The following MSRA variants were observed in gnomAD, a reference collection of about 807,000 sequenced individuals.
The protein encoded by MSRA is methionine sulfoxide reductase A.
A neutral mutation model predicts 31.3 loss-of-function variants in MSRA; 54 were observed. The ratio of observed to expected loss-of-function variants is 1.73; its 90% CI spans 1.39 to 2.17. MSRA has a LOEUF of 2.17. MSRA is among the 30% of genes most tolerant of loss of function. The pLI is 0.00. For synonymous variants in MSRA, 169 were observed against 116.5 expected (o/e 1.45, Z -2.90); for missense variants, 507 against 300.9 (o/e 1.69, Z -5.07).
At chr8:10,096,038 C>A in intron 1 of MSRA, 1 of 1,447,806 alleles carries the variant, frequency 6.9e-7, no homozygotes, top group Non-Finnish European at 9.2e-7. Context: ...GGAATGTGTT[C>A]AGAACGTAAG....
At chr8:10,299,866 G>A (rs1468229118) in intron 3 of MSRA, among the ~76,000 whole-genome samples, 2 of 152,156 alleles carry the variant, frequency 1.3e-5, no homozygotes, top group East Asian at 1.9e-4. Context: ...CATTGATTTA[G>A]AAATTCCATT....
chr8:10,186,097 C>T (rs1585120526), intron 1 of MSRA, among the ~76,000 whole-genome samples: 1 of 152,140 alleles, frequency 6.6e-6, no homozygotes, highest in South Asian at 2.1e-4. Flanking sequence ...TGGACCAGGA[C>T]ACAGTGGCAA....
At chr8:10,269,968 T>C (rs1192511443) in intron 3 of MSRA, among the ~76,000 whole-genome samples, 1 of 152,212 alleles carries the variant, frequency 6.6e-6, no homozygotes, top group Non-Finnish European at 1.5e-5. Context: ...GCTTACTCTC[T>C]CTGTGACCGT....
At position 10,113,292 on chromosome 8, in the gene MSRA, C is replaced by CTT. The variant is rs10665004; in HGVS notation, c.142+58655_142+58656dup. On this transcript the variant is annotated intron_variant, in intron 1 of 5. Coordinates refer to ENST00000317173, the MANE Select transcript of MSRA (RefSeq NM_012331.5). ...CATGGCTTTGGTGAAGACAGGTCTT[C>CTT]TTTTTTTTTTTTTTTTTTTTTTGGA... Among the ~76,000 whole-genome samples the CTT allele has an allele frequency of 1.0e-3, 60 of 57,602 alleles. 2 individuals are homozygous for CTT. The highest frequency in any genetic ancestry group is 2.4e-3 in the African/African-American group (31 of 12,768). 37.8% of individuals were successfully genotyped at this position (57,602 alleles called of 152,430 possible). A position where few individuals can be genotyped will look rare whatever the true frequency, so the allele number is the denominator to read the frequency against.
intron 1 of MSRA, among the ~76,000 whole-genome samples, chr8:10,094,798 A>AAT (rs1799039008): frequency 6.6e-6 from 1 of 152,270 alleles, no homozygotes; most frequent in African/African-American, 2.4e-5. Flanking sequence ...TGCTTATTAT[A>AAT]TTGTATTAAC....
intron 5 of MSRA, among the ~76,000 whole-genome samples, chr8:10,409,981 G>A (rs1040423786): frequency 2.0e-5 from 3 of 152,206 alleles, no homozygotes; most frequent in African/African-American, 2.4e-5. Context: ...GATCGCTGGA[G>A]CCCAGGAGTT....
chr8:10,174,800 C>T (rs548238269), intron 1 of MSRA, among the ~76,000 whole-genome samples: 21 of 152,308 alleles, frequency 1.4e-4, no homozygotes, highest in African/African-American at 5.1e-4. Flanking sequence ...CTCAGAGATG[C>T]CCTCCGACGC....
chr8:10,421,105 G>T (rs1808787338), intron 5 of MSRA, among the ~76,000 whole-genome samples: 1 of 152,090 alleles, frequency 6.6e-6, no homozygotes, highest in Non-Finnish European at 1.5e-5. Context: ...CTCACATACA[G>T]GCTGATCCAT....
intron 1 of MSRA, among the ~76,000 whole-genome samples, chr8:10,141,792 A>G (rs1038868801): frequency 6.6e-6 from 1 of 151,822 alleles, no homozygotes; most frequent in African/African-American, 2.4e-5. Context: ...AGAATTTGCT[A>G]GAGACAAAAC....
chr8:10,400,264 C>T (rs7003525), intron 5 of MSRA, among the ~76,000 whole-genome samples: 12,320 of 151,378 alleles, frequency 0.081, 1,417 homozygotes, highest in African/African-American at 0.26. Context: ...TGATGAGGGC[C>T]TGGGTTACAG....
intron 1 of MSRA, among the ~76,000 whole-genome samples, chr8:10,116,599 G>A (rs533495150): frequency 5.9e-5 from 9 of 152,164 alleles, no homozygotes; most frequent in Non-Finnish European, 1.0e-4. Context: ...TAACATACAT[G>A]CCATCGATAG....
chr8:10,255,068 G>A (rs1380680331), intron 3 of MSRA, among the ~76,000 whole-genome samples: 1 of 152,230 alleles, frequency 6.6e-6, no homozygotes, highest in Non-Finnish European at 1.5e-5. Flanking sequence ...ATTGGGAGAG[G>A]GGGCTTCCCC....
intron 5 of MSRA, among the ~76,000 whole-genome samples, chr8:10,363,715 G>A (rs1804988039): frequency 1.0e-5 from 1 of 99,722 alleles, no homozygotes; most frequent in Non-Finnish European, 2.1e-5. Context: ...GACCAACCTG[G>A]GCAACCAAGC....
intron 1 of MSRA, among the ~76,000 whole-genome samples, chr8:10,078,199 A>T (rs1239886226): frequency 6.6e-6 from 1 of 152,094 alleles, no homozygotes; most frequent in Non-Finnish European, 1.5e-5. Flanking sequence ...CAGTTCTGAA[A>T]TTTCCTTTTC....
chr8:10,288,879 C>A (rs191166681), intron 3 of MSRA, among the ~76,000 whole-genome samples: 1 of 151,876 alleles, frequency 6.6e-6, no homozygotes, highest in South Asian at 2.1e-4. Context: ...AATGAATAGG[C>A]AATTTTCATT....
intron 5 of MSRA, among the ~76,000 whole-genome samples, chr8:10,348,524 C>T (rs1386518623): frequency 6.6e-6 from 1 of 151,914 alleles, no homozygotes; most frequent in Non-Finnish European, 1.5e-5. Context: ...CGTGCGCCAC[C>T]ATGCCCGGCT....
intron 1 of MSRA, among the ~76,000 whole-genome samples, chr8:10,126,276 G>A (rs955523325): frequency 2.6e-5 from 4 of 152,122 alleles, no homozygotes; most frequent in East Asian, 1.9e-4. Flanking sequence ...TTTAAATACC[G>A]TATTGTTTTT....
At chr8:10,158,808 A>G (rs1804394378) in intron 1 of MSRA, among the ~76,000 whole-genome samples, 1 of 152,112 alleles carries the variant, frequency 6.6e-6, no homozygotes, top group African/African-American at 2.4e-5. Context: ...GAACTTCCAC[A>G]CTGTTTTCTA....
chr8:10,294,916 T>G (rs992183961), intron 3 of MSRA, among the ~76,000 whole-genome samples: 1 of 152,100 alleles, frequency 6.6e-6, no homozygotes, highest in Non-Finnish European at 1.5e-5. Context: ...GTGGGCCTCA[T>G]TTCTGTGTCT....
Sources: gnomAD v4.1 joint callset for allele counts (sites outside exome capture counted in the v4.1 genomes callset) on GRCh38, gnomAD v4.1.1 for gene constraint, MANE v1.5 for transcripts, NCBI Gene and HGNC (gene_info 2026-07-23, HGNC 2026-07-21) for gene names.